DGKI: variants seen among roughly 807,000 people sequenced by gnomAD.
The protein encoded by DGKI is DAG kinase iota.
Under a neutral mutation model 147.5 loss-of-function variants are expected in DGKI, and 55 were observed. The ratio of observed to expected loss-of-function variants is 0.37; its 90% CI spans 0.30 to 0.47. The LOEUF is 0.47. Ranked by LOEUF, DGKI falls within the 20% of genes least tolerant of loss-of-function variation. DGKI has a pLI of 1.00. For missense variants in DGKI, 1,007 were observed against 1,323.8 expected, an observed-to-expected ratio of 0.76 and a Z score of 3.71; for synonymous variants, 469 against 477.1, an observed-to-expected ratio of 0.98 and a Z score of 0.22.
intron 28 of DGKI, among the ~76,000 whole-genome samples, chr7:137,436,628 G>C (rs1813295006): frequency 6.6e-6 from 1 of 152,050 alleles, no homozygotes; most frequent in Non-Finnish European, 1.5e-5. Flanking sequence ...AAGCCTTCCA[G>C]AGATTATAAA....
chr7:137,788,896 A>G (rs1440342759), intron 1 of DGKI, among the ~76,000 whole-genome samples: 1 of 152,190 alleles, frequency 6.6e-6, no homozygotes, highest in East Asian at 1.9e-4. Flanking sequence ...ACAAAACAAA[A>G]TGTTAATCTT....
chr7:137,404,321 T>C (rs1265893216), intron 30 of DGKI, among the ~76,000 whole-genome samples: 1 of 152,196 alleles, frequency 6.6e-6, no homozygotes, highest in Non-Finnish European at 1.5e-5. Flanking sequence ...ATCAAATGAT[T>C]TTACATCCGT....
intron 8 of DGKI, among the ~76,000 whole-genome samples, chr7:137,617,155 T>TAAAAAAAAAAAAAAAAAAA (rs1820562907): frequency 7.5e-6 from 1 of 132,572 alleles, no homozygotes. Context: ...AAAAAAAAAT[T>TAAAAAAAAAAAAAAAAAAA]AAACCTAAAT....
At chr7:137,652,592 C>T (rs957936964) in intron 5 of DGKI, among the ~76,000 whole-genome samples, 1 of 152,166 alleles carries the variant, frequency 6.6e-6, no homozygotes, top group Admixed American at 6.5e-5. Flanking sequence ...ACAGCCCTAT[C>T]ATTCTTCTCC....
At chr7:137,808,977 G>A (rs1423405267) in intron 1 of DGKI, among the ~76,000 whole-genome samples, 1 of 152,148 alleles carries the variant, frequency 6.6e-6, no homozygotes, top group Non-Finnish European at 1.5e-5. Flanking sequence ...CCCCAGGAAT[G>A]TGTCATATCT....
rs1327135228 is a variant in DGKI at position 137,514,442 on chromosome 7, A to G, written c.2248+7424T>C. Among the ~76,000 whole-genome samples, 3 of 152,010 alleles carry G rather than the reference A, an allele frequency of 2.0e-5. 1 individual carries two copies. Among genetic ancestry groups the G allele is most frequent in the African/African-American group, 7.2e-5 (3 of 41,384 alleles). Reference sequence around the variant, plus strand: ...ACCCTCTACTCCAATCCAACTACCAATTCTTAGTGTGCATCTTACTCAACT... The same window carrying G: ...ACCCTCTACTCCAATCCAACTACCAGTTCTTAGTGTGCATCTTACTCAACT... On this transcript the variant is annotated intron_variant, in intron 21 of 32. Coordinates refer to ENST00000614521, the MANE Select transcript of DGKI (RefSeq NM_001321708.2).
chr7:137,728,007 A>G (rs886867731), intron 1 of DGKI, among the ~76,000 whole-genome samples: 8 of 152,234 alleles, frequency 5.3e-5, no homozygotes, highest in African/African-American at 2.4e-5. Context: ...AAAAATTTAC[A>G]GAAGTTTGGA....
chr7:137,462,534 A>AT (rs1482210208), intron 27 of DGKI, among the ~76,000 whole-genome samples: 1 of 152,056 alleles, frequency 6.6e-6, no homozygotes, highest in African/African-American at 2.4e-5. Context: ...CAAATTTCTC[A>AT]TTTTTTTCCC....
At chr7:137,464,885 C>A (rs1042050433) in intron 26 of DGKI, among the ~76,000 whole-genome samples, 1 of 152,304 alleles carries the variant, frequency 6.6e-6, no homozygotes, top group Admixed American at 6.5e-5. Context: ...TAGAGCAATT[C>A]TTACTTCAAC....
chr7:137,585,916 A>G (rs1173614572), intron 13 of DGKI, among the ~76,000 whole-genome samples: 2 of 152,178 alleles, frequency 1.3e-5, no homozygotes, highest in African/African-American at 4.8e-5. Flanking sequence ...GACTGTCCTC[A>G]ATAGGATATG....
chr7:137,483,647 C>A (rs192147493), intron 23 of DGKI, among the ~76,000 whole-genome samples: 2 of 152,032 alleles, frequency 1.3e-5, no homozygotes, highest in Admixed American at 6.6e-5. Flanking sequence ...CTCTCTGTGT[C>A]CATGTGTTCT....
At position 137,471,051 on chromosome 7, in the gene DGKI, T is replaced by C. The variant is rs149277787; in HGVS notation, c.2374-1432A>G. On this transcript the variant is annotated intron_variant, in intron 23 of 32. Transcript: ENST00000614521. Reference sequence around the variant, plus strand: ...ATTTTCTCTTTAAGATTCCAAACTTTTAAAAATTAAACATTTTCTCTACTA... The same window carrying C: ...ATTTTCTCTTTAAGATTCCAAACTTCTAAAAATTAAACATTTTCTCTACTA... 8.1e-4 allele frequency among the ~76,000 whole-genome samples: 123 copies of C among 152,342 alleles called. No homozygotes were observed. The East Asian group carries it at 0.021, about 26-fold the overall frequency.
chr7:137,846,948 C>G lies in DGKI; in HGVS notation c.-86G>C. On this transcript the variant is annotated 5_prime_UTR_variant, in exon 1 of 33. Transcript: ENST00000614521. The surrounding 1 kb of genome is among the most constrained non-coding windows in gnomAD (Gnocchi z 4.0). ...ATCAGAGGCCGCCGCTCCCCGCCTC[C>G]CGCGCCCTCCCGCGCCGGCCCGCAC... 1.0e-6 allele frequency: 1 copy of G among 963,686 alleles called. No individual in the cohort carries two copies. The highest frequency in any genetic ancestry group is 1.3e-6 in the Non-Finnish European group (1 of 799,240). The allele number at this position is 963,686 out of a possible 1,614,324, so 59.7% of individuals were successfully genotyped here.
At chr7:137,473,634 C>T (rs1815063684) in intron 23 of DGKI, among the ~76,000 whole-genome samples, 1 of 152,046 alleles carries the variant, frequency 6.6e-6, no homozygotes, top group Non-Finnish European at 1.5e-5. Context: ...AATTGTAATA[C>T]CAAAACAACA....
chr7:137,712,337 CAAT>C (rs1794241371), intron 1 of DGKI, among the ~76,000 whole-genome samples: 1 of 152,114 alleles, frequency 6.6e-6, no homozygotes, highest in African/African-American at 2.4e-5. Flanking sequence ...ATTCTCTTCT[CAAT>C]AAAAATATTT....
chr7:137,434,796 C>T (rs1245220611), intron 28 of DGKI, among the ~76,000 whole-genome samples: 1 of 152,060 alleles, frequency 6.6e-6, no homozygotes, highest in Non-Finnish European at 1.5e-5. Flanking sequence ...AGCAATATAA[C>T]CAGATTTTGG....
intron 3 of DGKI, among the ~76,000 whole-genome samples, chr7:137,676,921 G>C (rs748365808): frequency 1.3e-5 from 2 of 152,174 alleles, no homozygotes; most frequent in Non-Finnish European, 2.9e-5. Flanking sequence ...TTGGAAATAA[G>C]GGATGACTCT....
Position 137,385,050 on chromosome 7 carries a change from G to T in DGKI, c.*6170C>A, listed in dbSNP as rs191189335. 8.5e-4 allele frequency: 129 copies of T among 152,102 alleles called. 1 individual carries two copies. Among genetic ancestry groups the T allele is most frequent in the African/African-American group, 3.0e-3 (124 of 41,500 alleles). 9.4% of individuals were successfully genotyped at this position (152,102 alleles called of 1,614,324 possible). On this transcript the variant is annotated 3_prime_UTR_variant, in exon 33 of 33. Coordinates refer to ENST00000614521, the MANE Select transcript of DGKI (RefSeq NM_001321708.2). Reference sequence around the variant, plus strand: ...AGAATTTTCTTCTGTGGTTATACTAGATTACACTTAACTCTTAGAATATCA... The same window carrying T: ...AGAATTTTCTTCTGTGGTTATACTATATTACACTTAACTCTTAGAATATCA...
chr7:137,436,455 A>G (rs1813290010), intron 28 of DGKI, among the ~76,000 whole-genome samples: 2 of 152,172 alleles, frequency 1.3e-5, no homozygotes, highest in African/African-American at 4.8e-5. Context: ...CTATTGACAG[A>G]CAGTACAGAG....
Sources: gnomAD v4.1 joint callset for allele counts (sites outside exome capture counted in the v4.1 genomes callset) on GRCh38, gnomAD v4.1.1 for gene constraint, Gnocchi (gnomAD v3.1) non-coding constraint, MANE v1.5 for transcripts, NCBI Gene and HGNC (gene_info 2026-07-23, HGNC 2026-07-21) for gene names.